PEX14: variants seen among roughly 807,000 people sequenced by gnomAD.
The protein encoded by PEX14 is peroxisomal membrane protein PEX14.
PEX14 carries 15 observed loss-of-function variants against 49.5 expected under a neutral mutation model. The observed-to-expected ratio is 0.30, with a 90% CI of 0.20 to 0.47. PEX14 has a LOEUF of 0.47. Ranked by LOEUF, PEX14 falls within the 20% of genes least tolerant of loss-of-function variation. The probability of loss-of-function intolerance (pLI) is 1.00; values close to 1 mark genes in which losing one functional copy is unlikely to be tolerated. For synonymous variants in PEX14, 210 were observed against 212.7 expected, an observed-to-expected ratio of 0.99 and a Z score of 0.11; for missense variants, 398 against 494.8, an observed-to-expected ratio of 0.80 and a Z score of 1.86.
intron 2 of PEX14, among the ~76,000 whole-genome samples, chr1:10,531,330 GAC>G: frequency 6.6e-6 from 1 of 152,296 alleles, no homozygotes; most frequent in East Asian, 1.9e-4. Flanking sequence ...AGGAACTCCT[GAC>G]AGAGTACTGA....
chr1:10,626,730 A>G (rs1175014754), intron 7 of PEX14, among the ~76,000 whole-genome samples: 1 of 152,272 alleles, frequency 6.6e-6, no homozygotes, highest in African/African-American at 2.4e-5. Flanking sequence ...CTCTGTGCAC[A>G]TGCCACAAGC....
At chr1:10,542,227 G>A (rs142825319) in intron 3 of PEX14, among the ~76,000 whole-genome samples, 2 of 152,250 alleles carry the variant, frequency 1.3e-5, no homozygotes, top group South Asian at 2.1e-4. Flanking sequence ...TTTTGCAGAG[G>A]ATGCTACAGT....
chr1:10,599,387 C>T, intron 4 of PEX14, 21 bp downstream of exon 4: 1 of 1,613,946 alleles, frequency 6.2e-7, no homozygotes, highest in Non-Finnish European at 8.5e-7. Flanking sequence ...CGCTCAAACT[C>T]CTGCTTAACC....
intron 3 of PEX14, among the ~76,000 whole-genome samples, chr1:10,582,074 T>C (rs1640337769): frequency 6.6e-6 from 1 of 152,140 alleles, no homozygotes; most frequent in African/African-American, 2.4e-5. Flanking sequence ...CTCTAGTTCA[T>C]AGACATTTTA....
chr1:10,481,384 C>G (rs1323048210), intron 1 of PEX14, among the ~76,000 whole-genome samples: 2 of 152,080 alleles, frequency 1.3e-5, no homozygotes, highest in South Asian at 4.1e-4. Context: ...AAGTGATCCA[C>G]CCACCTCGGC....
chr1:10,559,369 A>G (rs1308305519), intron 3 of PEX14, among the ~76,000 whole-genome samples: 2 of 152,158 alleles, frequency 1.3e-5, no homozygotes, highest in Non-Finnish European at 2.9e-5. Context: ...TTGGTCCAGT[A>G]TTTATTCTTT....
At chr1:10,487,481 CTTTTTT>C (rs33968565) in intron 1 of PEX14, among the ~76,000 whole-genome samples, 6 of 86,752 alleles carry the variant, frequency 6.9e-5, no homozygotes, top group Admixed American at 1.6e-4. Context: ...TTCTTTCTTT[CTTTTTT>C]TTTTTTTTTT....
intron 1 of PEX14, among the ~76,000 whole-genome samples, chr1:10,475,500 G>A (rs1641180413): frequency 6.6e-6 from 1 of 152,226 alleles, no homozygotes; most frequent in Non-Finnish European, 1.5e-5. Flanking sequence ...TGGATAGTCA[G>A]AAATAATCTA....
intron 3 of PEX14, among the ~76,000 whole-genome samples, chr1:10,587,329 C>T (rs1342555913): frequency 3.3e-5 from 5 of 152,030 alleles, no homozygotes; most frequent in Non-Finnish European, 7.4e-5. Context: ...GTGGCACACT[C>T]CTGTAATCCC....
intron 3 of PEX14, among the ~76,000 whole-genome samples, chr1:10,561,748 A>G (rs1326232725): frequency 6.6e-6 from 1 of 152,148 alleles, no homozygotes; most frequent in Non-Finnish European, 1.5e-5. Flanking sequence ...TCTTGTTTCA[A>G]CTGACTGTTT....
intron 4 of PEX14, among the ~76,000 whole-genome samples, chr1:10,609,356 A>G (rs1304024826): frequency 6.6e-6 from 1 of 152,182 alleles, no homozygotes; most frequent in African/African-American, 2.4e-5. Flanking sequence ...AGCTTTTTGT[A>G]AGTATAATTT....
intron 3 of PEX14, among the ~76,000 whole-genome samples, chr1:10,540,916 A>G (rs79934522): frequency 1.9e-3 from 292 of 152,294 alleles, no homozygotes; most frequent in African/African-American, 6.5e-3. Context: ...TTGTGGCATC[A>G]AGATTTAGAT....
intron 3 of PEX14, among the ~76,000 whole-genome samples, chr1:10,565,542 C>G (rs1297870123): frequency 6.6e-6 from 1 of 152,218 alleles, no homozygotes; most frequent in Non-Finnish European, 1.5e-5. Flanking sequence ...CAGAAAGCCT[C>G]TCAATGCTGT....
rs751540499 is a variant in PEX14, at chr1:10,599,267, T to C, written c.199T>C (p.Phe67Leu). Reference protein sequence around the residue: ...GLTDEEIDMAFQQSGTAADEP... With the variant: ...GLTDEEIDMALQQSGTAADEP... ...GACAGATGAAGAGATTGATATGGCC[T>C]TCCAGCAGTCGGGCACTGCTGCCGA... is the stretch of plus-strand genomic sequence containing the variant. The change falls in exon 4 of 9, where the codon TTC becomes CTC. Residue 67 changes from phenylalanine (F) to leucine (L), a missense_variant. Phe to Leu is a conservative substitution (Grantham distance 22). Coordinates refer to ENST00000356607, the MANE Select transcript of PEX14 (RefSeq NM_004565.3). The C allele has an allele frequency of 1.2e-5, 19 of 1,614,010 alleles. No individual in the cohort carries two copies. The highest frequency in any genetic ancestry group is 1.5e-5 in the Non-Finnish European group (18 of 1,179,952).
chr1:10,497,744 G>A (rs769102938), intron 2 of PEX14, among the ~76,000 whole-genome samples: 20 of 152,302 alleles, frequency 1.3e-4, no homozygotes, highest in Admixed American at 6.5e-4. Context: ...CAGGCCTTGA[G>A]GAATGGGATA....
intron 1 of PEX14, among the ~76,000 whole-genome samples, chr1:10,488,716 GA>G (rs1012147417): frequency 6.6e-6 from 1 of 150,514 alleles, no homozygotes; most frequent in African/African-American, 2.4e-5. Flanking sequence ...TGTTAGCCAG[GA>G]TGGTCTCGAT....
chr1:10,563,799 C>CT (rs1296314786), intron 3 of PEX14, among the ~76,000 whole-genome samples: 1 of 151,968 alleles, frequency 6.6e-6, no homozygotes, highest in Non-Finnish European at 1.5e-5. Context: ...GTAGTTCCAG[C>CT]TACTCGGGAG....
intron 2 of PEX14, among the ~76,000 whole-genome samples, chr1:10,508,747 G>A (rs1364686974): frequency 6.6e-6 from 1 of 152,236 alleles, no homozygotes; most frequent in Non-Finnish European, 1.5e-5. Flanking sequence ...AGCCATGTGA[G>A]GTTTATTTAG....
chr1:10,574,056 C>T (rs1036821385), intron 3 of PEX14, among the ~76,000 whole-genome samples: 5 of 152,118 alleles, frequency 3.3e-5, no homozygotes, highest in Admixed American at 6.6e-5. Context: ...GAGCTGACAT[C>T]GTGCCACTGC....
Sources: gnomAD v4.1 joint callset for allele counts (sites outside exome capture counted in the v4.1 genomes callset) on GRCh38, gnomAD v4.1.1 for gene constraint, MANE v1.5 for transcripts, NCBI Gene and HGNC (gene_info 2026-07-23, HGNC 2026-07-21) for gene names.